Variants in DPP6 observed in about 807,000 individuals in gnomAD.
DPP6 encodes the protein A-type potassium channel modulatory protein DPP6.
DPP6 carries 69 observed loss-of-function variants against 122.6 expected under a neutral mutation model. The ratio of observed to expected loss-of-function variants is 0.56; its 90% CI spans 0.46 to 0.69. The LOEUF (loss-of-function observed/expected upper bound fraction) is 0.69, where lower values mean the gene tolerates loss of function less well. DPP6 is among the 30% of genes least tolerant of loss of function. The pLI is 0.00. For synonymous variants in DPP6, 418 were observed against 433.1 expected (o/e 0.97, Z 0.43); for missense variants, 928 against 1,116.9 (o/e 0.83, Z 2.41).
chr7:154,532,053 G>A (rs1262185089), intron 3 of DPP6, among the ~76,000 whole-genome samples: 2 of 151,840 alleles, frequency 1.3e-5, no homozygotes, highest in Non-Finnish European at 1.5e-5. Flanking sequence ...CATATAAATG[G>A]TTTTCTTATA....
At chr7:154,722,854 T>C (rs930365891) in intron 7 of DPP6, among the ~76,000 whole-genome samples, 4 of 152,154 alleles carry the variant, frequency 2.6e-5, no homozygotes, top group Non-Finnish European at 5.9e-5. Flanking sequence ...ACTCACCCAA[T>C]ATTTGATCTC....
chr7:154,762,558 A>G (rs1458932724), intron 8 of DPP6, among the ~76,000 whole-genome samples: 1 of 152,240 alleles, frequency 6.6e-6, no homozygotes, highest in Middle Eastern at 3.2e-3. Flanking sequence ...CAGACTGAGC[A>G]TGGCATTGGA....
intron 1 of DPP6, among the ~76,000 whole-genome samples, chr7:154,289,736 T>A (rs1805082779): frequency 6.6e-6 from 1 of 151,944 alleles, no homozygotes; most frequent in Admixed American, 6.5e-5. Flanking sequence ...AGAGCATAAC[T>A]TAATTTTTAC....
chr7:154,182,392 C>G (rs1798136517), intron 1 of DPP6, among the ~76,000 whole-genome samples: 1 of 152,134 alleles, frequency 6.6e-6, no homozygotes, highest in African/African-American at 2.4e-5. Flanking sequence ...TGTCCCCCTC[C>G]TCATGCTGGT....
At position 154,873,251 on chromosome 7, in the gene DPP6, G is replaced by T. The variant is rs3807283; in HGVS notation, c.1883+558G>T. Among the ~76,000 whole-genome samples the T allele has an allele frequency of 1.4e-4, 21 of 152,340 alleles. No homozygotes were observed. In the East Asian group the frequency reaches 3.7e-3, roughly 27 times the overall value. ...GTCTGATTAGGGAACTCAGTGCTAG[G>T]AGCCGGCCCAGTGCCCTGTGCATAG... On this transcript the variant is annotated intron_variant, in intron 19 of 25. Transcript: ENST00000377770.
rs1797284657 is a variant in DPP6 at position 154,785,491 on chromosome 7, C to A, written c.1137-8588C>A. On this transcript the variant is annotated intron_variant, in intron 10 of 25. Transcript: ENST00000377770. ...TGGATTTTATTCTCTATGTCAGTTA[C>A]CTTTTTACATTTAAATACTATTACA... is the stretch of plus-strand genomic sequence containing the variant. 2.6e-5 allele frequency among the ~76,000 whole-genome samples: 4 copies of A among 152,202 alleles called. No homozygotes were observed. The South Asian group carries it at 8.3e-4, about 32-fold the overall frequency.
chr7:154,202,376 G>A (rs142603377), intron 1 of DPP6, among the ~76,000 whole-genome samples: 115 of 152,252 alleles, frequency 7.6e-4, no homozygotes, highest in African/African-American at 2.6e-3. Context: ...AGCTCCTACC[G>A]GAACAGTGGT....
chr7:154,692,838 GT>G lies in DPP6; in HGVS notation c.762+23398del, dbSNP rs201776725. ...ACTCTGTCATCCAGGCTGGAGTGCA[GT>G]GGCACAGTCATAGCTCACTGTAGCC... On this transcript the variant is annotated intron_variant, in intron 7 of 25. Transcript: ENST00000377770. 1.5e-4 allele frequency among the ~76,000 whole-genome samples: 23 copies of G among 148,644 alleles called. No individual in the cohort carries two copies. In the East Asian group the frequency reaches 4.6e-3, roughly 29 times the overall value.
rs116032401 is a variant in DPP6 at position 153,915,570 on chromosome 7, A to G, written c.51+27836A>G. Among the ~76,000 whole-genome samples, 425 of 152,336 alleles carry G rather than the reference A, an allele frequency of 2.8e-3. 3 individuals carry two copies. The highest frequency in any genetic ancestry group is 9.9e-3 in the African/African-American group (411 of 41,572). On this transcript the variant is annotated intron_variant, in intron 1 of 25. Coordinates refer to the DPP6 transcript ENST00000404039. ...AACAGAGAGAATCAGGATCAGAATT[A>G]AAGAGACGAGATAGCTCTGGAGGCC...
chr7:154,275,946 G>C (rs1804099875), intron 1 of DPP6, among the ~76,000 whole-genome samples: 1 of 152,190 alleles, frequency 6.6e-6, no homozygotes, highest in African/African-American at 2.4e-5. Context: ...AATGCAATTT[G>C]AAAACTTGGG....
intron 8 of DPP6, among the ~76,000 whole-genome samples, chr7:154,733,989 G>A (rs150663911): frequency 1.5e-4 from 23 of 152,350 alleles, no homozygotes; most frequent in East Asian, 3.9e-4. Flanking sequence ...TGCTTCCTGC[G>A]TGTTGTGAAC....
chr7:154,251,250 T>C (rs1456781271), intron 1 of DPP6, among the ~76,000 whole-genome samples: 3 of 152,216 alleles, frequency 2.0e-5, no homozygotes, highest in Admixed American at 1.3e-4. Context: ...CGGGAGCTAC[T>C]TATTTCAGAG....
At chr7:154,056,436 TAATTTTAA>T (rs1800824780) in intron 1 of DPP6, among the ~76,000 whole-genome samples, 1 of 152,214 alleles carries the variant, frequency 6.6e-6, no homozygotes. Flanking sequence ...TAACTGTGGC[TAATTTTAA>T]AATACTGAAC....
chr7:154,406,403 A>G (rs1816092533), intron 1 of DPP6, among the ~76,000 whole-genome samples: 1 of 151,110 alleles, frequency 6.6e-6, no homozygotes, highest in Non-Finnish European at 1.5e-5. Flanking sequence ...AAAAATTAGG[A>G]GTAGCCGGGG....
intron 1 of DPP6, among the ~76,000 whole-genome samples, chr7:154,174,835 A>G (rs1429344105): frequency 6.9e-6 from 1 of 145,354 alleles, no homozygotes; most frequent in East Asian, 2.0e-4. Context: ...CCTCTTTGTT[A>G]TCTCATCATA....
At chr7:153,836,262 A>G in the DPP6 span, among the ~76,000 whole-genome samples, 1 of 152,098 alleles carries the variant, frequency 6.6e-6, no homozygotes. Flanking sequence ...TCTTTTTCAC[A>G]ATTTATCGCG....
intron 1 of DPP6, among the ~76,000 whole-genome samples, chr7:154,126,389 T>C (rs3115110): frequency 3.9e-5 from 6 of 152,108 alleles, no homozygotes; most frequent in Admixed American, 2.0e-4. Flanking sequence ...ACATTCACAT[T>C]GAGACAGATG....
At chr7:154,576,118 TCAC>T (rs1214965922) in intron 5 of DPP6, among the ~76,000 whole-genome samples, 1 of 151,998 alleles carries the variant, frequency 6.6e-6, no homozygotes, top group African/African-American at 2.4e-5. Context: ...TCCCCTACCA[TCAC>T]CCCACACAGG....
chr7:154,005,289 T>A (rs1017523898), intron 1 of DPP6, among the ~76,000 whole-genome samples: 8 of 152,292 alleles, frequency 5.3e-5, no homozygotes, highest in Admixed American at 4.6e-4. Context: ...ATCTGAGAAG[T>A]TGGCTGGTCC....
Sources: allele counts gnomAD v4.1 joint callset (sites outside exome capture counted in the v4.1 genomes callset), GRCh38; gene constraint gnomAD v4.1.1; transcripts MANE v1.5; gene names NCBI Gene and HGNC (gene_info 2026-07-23, HGNC 2026-07-21).